Variants in TRIM9 observed in about 807,000 individuals in gnomAD.
TRIM9 encodes E3 ubiquitin-protein ligase TRIM9.
A neutral mutation model predicts 78.3 loss-of-function variants in TRIM9; 26 were observed. The ratio of observed to expected loss-of-function variants is 0.33; its 90% confidence interval spans 0.24 to 0.46. The LOEUF is 0.46. TRIM9 is among the 20% of genes least tolerant of loss of function. TRIM9 has a pLI of 1.00. For synonymous variants in TRIM9, 398 were observed against 416.5 expected (o/e 0.96, Z 0.54); for missense variants, 787 against 1,036.4 (o/e 0.76, Z 3.30).
chr14:50,993,148 G>A (rs1030226170), intron 7 of TRIM9, among the ~76,000 whole-genome samples: 8 of 151,966 alleles, frequency 5.3e-5, no homozygotes, highest in Non-Finnish European at 1.2e-4. Flanking sequence ...TTTCCTTCCC[G>A]GGCAAATCTC....
intron 1 of TRIM9, among the ~76,000 whole-genome samples, chr14:51,062,573 T>C (rs111650381): frequency 6.6e-6 from 1 of 152,310 alleles, no homozygotes; most frequent in African/African-American, 2.4e-5. Flanking sequence ...TATGTAGATC[T>C]ATGTTTATAG....
chr14:51,008,827 T>C (rs143546026), intron 5 of TRIM9, among the ~76,000 whole-genome samples: 18 of 152,246 alleles, frequency 1.2e-4, no homozygotes, highest in Non-Finnish European at 8.8e-5. Context: ...CTTTCCTCTT[T>C]TTGTGTCAGC....
intron 8 of TRIM9, among the ~76,000 whole-genome samples, chr14:50,983,801 C>T (rs2139327652): frequency 6.6e-6 from 1 of 152,330 alleles, no homozygotes; most frequent in Middle Eastern, 3.4e-3. Context: ...TCTGCTCTCA[C>T]TATTCTATGC....
intron 1 of TRIM9, among the ~76,000 whole-genome samples, chr14:51,047,914 C>T (rs966808249): frequency 2.6e-5 from 4 of 151,440 alleles, no homozygotes; most frequent in Non-Finnish European, 4.4e-5. Flanking sequence ...GAGCCAAGTT[C>T]GCACCACTGC....
chr14:50,977,181 C>T lies in TRIM9; in HGVS notation c.*110G>A, dbSNP rs947910477. The T allele has an allele frequency of 1.2e-6, 1 of 851,102 alleles. No individual in the cohort carries two copies. The highest frequency in any genetic ancestry group is 3.4e-5 in the Admixed American group (1 of 29,598). 52.7% of individuals were successfully genotyped at this position (851,102 alleles called of 1,614,324 possible). On this transcript the variant is annotated 3_prime_UTR_variant, in exon 13 of 13. Transcript: ENST00000684578. ...GCAGAGGACCAGCTTTTCTCTCCTC[C>T]TTCTCCCACTCCTGCCAACTCTGCA...
At chr14:51,055,755 T>C (rs2060847711) in intron 1 of TRIM9, among the ~76,000 whole-genome samples, 2 of 152,252 alleles carry the variant, frequency 1.3e-5, no homozygotes, top group Non-Finnish European at 2.9e-5. Context: ...TAAAACAGGA[T>C]AAATTTGTGT....
intron 5 of TRIM9, among the ~76,000 whole-genome samples, chr14:51,003,989 C>T (rs981816249): frequency 1.3e-5 from 2 of 152,154 alleles, no homozygotes; most frequent in Non-Finnish European, 1.5e-5. Flanking sequence ...AAATGGTCTA[C>T]TAGAAATCCA....
intron 2 of TRIM9, 90 bp from the exon 3 acceptor site, chr14:51,023,047 A>G: frequency 1.9e-6 from 3 of 1,541,312 alleles, no homozygotes; most frequent in Non-Finnish European, 2.6e-6. Context: ...GCTGAAGGGA[A>G]TGAAAAGGAA....
At chr14:51,092,492 A>T (rs572502549) in intron 1 of TRIM9, among the ~76,000 whole-genome samples, 58 of 152,282 alleles carry the variant, frequency 3.8e-4, no homozygotes, top group African/African-American at 1.4e-3. Flanking sequence ...GTCTCCAAGG[A>T]ATTCTGGGAG....
intron 7 of TRIM9, among the ~76,000 whole-genome samples, chr14:50,992,064 T>G (rs375237204): frequency 3.9e-5 from 6 of 152,332 alleles, no homozygotes; most frequent in African/African-American, 1.4e-4. Context: ...CATCTTTTCT[T>G]CTTTAAATAG....
At chr14:50,995,954 T>A (rs2054161900) in intron 7 of TRIM9, 1 of 279,874 alleles carries the variant, frequency 3.6e-6, no homozygotes, top group Non-Finnish European at 5.4e-6. Flanking sequence ...TACAGATCGA[T>A]CATATCTTTT....
Position 51,009,089 on chromosome 14 carries a change from G to T in TRIM9, c.1297C>A (p.Gln433Lys). The change falls in exon 5 of 13, where the codon CAA (glutamine) becomes AAA (lysine). Residue 433 changes from glutamine to lysine, a missense_variant. Physicochemically the swap from Gln to Lys is moderately conservative, Grantham distance 53. Around this residue, in one of 3 missense-constraint regions of TRIM9, gnomAD observed 421 missense variants for 514.3 expected, o/e 0.82. Transcript: ENST00000684578. Reference protein sequence around the residue: ...LQSIHQLDFVQVKASSPVPAT... With the variant: ...LQSIHQLDFVKVKASSPVPAT... ...GGATGCAAGGACATACCTTTCACTT[G>T]CACGAAATCCAGCTGGTGGATGGAT... 3 of 1,613,824 alleles carry T rather than the reference G, an allele frequency of 1.9e-6. No homozygotes were observed. Among genetic ancestry groups the T allele is most frequent in the Non-Finnish European group, 2.5e-6 (3 of 1,179,862 alleles).
At chr14:51,088,284 C>T (rs2063958384) in intron 1 of TRIM9, among the ~76,000 whole-genome samples, 1 of 152,084 alleles carries the variant, frequency 6.6e-6, no homozygotes, top group African/African-American at 2.4e-5. Flanking sequence ...ACAGAGTTTC[C>T]AAAGTTAGAC....
intron 5 of TRIM9, among the ~76,000 whole-genome samples, chr14:51,008,260 T>C (rs1403446073): frequency 1.3e-5 from 2 of 152,096 alleles, no homozygotes; most frequent in East Asian, 1.9e-4. Context: ...CATGGAACTA[T>C]ACACACACAC....
chr14:51,016,175 C>A (rs2057167504), intron 3 of TRIM9, among the ~76,000 whole-genome samples: 1 of 152,142 alleles, frequency 6.6e-6, no homozygotes, highest in Non-Finnish European at 1.5e-5. Flanking sequence ...ATTTGTAATA[C>A]CTAATACAAT....
intron 6 of TRIM9, among the ~76,000 whole-genome samples, chr14:50,999,365 A>AAC (rs146434492): frequency 0.11 from 17,223 of 151,040 alleles, 1,157 homozygotes; most frequent in African/African-American, 0.18. Flanking sequence ...ACACACACAC[A>AAC]ACACACACAC....
chr14:51,091,793 T>C (rs999691765), intron 1 of TRIM9, among the ~76,000 whole-genome samples: 2 of 152,212 alleles, frequency 1.3e-5, no homozygotes, highest in Non-Finnish European at 2.9e-5. Flanking sequence ...CCTACTTATG[T>C]CATGTTTCAA....
chr14:51,069,118 T>C (rs902110634), intron 1 of TRIM9, among the ~76,000 whole-genome samples: 1 of 152,302 alleles, frequency 6.6e-6, no homozygotes, highest in East Asian at 1.9e-4. Flanking sequence ...TGAGAACTGA[T>C]GGACTCTAGA....
Position 50,979,449 on chromosome 14 carries a change from T to C in TRIM9, c.2263A>G (p.Ile755Val). 1.2e-6 allele frequency: 2 copies of C among 1,614,230 alleles called. No homozygotes were observed. The highest frequency in any genetic ancestry group is 1.1e-5 in the South Asian group (1 of 91,088). ...AGGCCCTCCACGTTATCAAATGCTA[T>C]GGGACCTTGTTGTTCATCGTTGATA... is the stretch of plus-strand genomic sequence containing the variant. ...FFINDEQQGP[I>V]AFDNVEGLFF... The change falls in exon 12 of 13, where the codon ATA becomes GTA. Residue 755 changes from isoleucine (I) to valine (V), a missense_variant. By Grantham distance (29) the Ile-to-Val change is conservative. Transcript: ENST00000684578.
Sources: gnomAD v4.1 joint callset for allele counts (sites outside exome capture counted in the v4.1 genomes callset) on GRCh38, gnomAD v4.1.1 for gene constraint, gnomAD v4.1.1 regional missense constraint, MANE v1.5 for transcripts, NCBI Gene and HGNC (gene_info 2026-07-23, HGNC 2026-07-21) for gene names.